Variants in ANKRD11 observed in about 807,000 individuals in gnomAD.
ANKRD11 encodes ankyrin repeat domain 11, also known as ankyrin repeat domain-containing protein 11.
A neutral mutation model predicts 195.7 loss-of-function variants in ANKRD11; 17 were observed. That is an observed-to-expected ratio of 0.09 (90% CI 0.06 to 0.13). ANKRD11 has a LOEUF of 0.13. ANKRD11 is among the 10% of genes least tolerant of loss of function. The pLI is 1.00. For synonymous variants in ANKRD11, 1,953 were observed against 1,528.1 expected (o/e 1.28, Z -6.49); for missense variants, 3,735 against 3,566.1 (o/e 1.05, Z -1.21).
intron 2 of ANKRD11, chr16:89,361,643 A>G (rs1468686498): frequency 1.3e-5 from 2 of 152,236 alleles, no homozygotes; most frequent in Non-Finnish European, 2.9e-5. Flanking sequence ...TGGGACTGCC[A>G]GCAAAGGACA....
At chr16:89,343,647 G>C (rs1453546483) in intron 2 of ANKRD11, 1 of 152,244 alleles carries the variant, frequency 6.6e-6, no homozygotes. Flanking sequence ...CAACTGGCCG[G>C]AACTTGGTCA....
intron 3 of ANKRD11, among the ~76,000 whole-genome samples, chr16:89,312,808 G>T (rs1434930873): frequency 6.6e-6 from 1 of 152,220 alleles, no homozygotes; most frequent in Non-Finnish European, 1.5e-5. Flanking sequence ...GCCTGAGGTG[G>T]GACACGCCGA....
intron 1 of ANKRD11, among the ~76,000 whole-genome samples, chr16:89,470,144 G>C (rs1217264281): frequency 6.6e-6 from 1 of 151,880 alleles, no homozygotes; most frequent in South Asian, 2.1e-4. Context: ...CTGAACTTGT[G>C]ATCTGCCTGC....
At chr16:89,451,346 G>C (rs568294630) in intron 1 of ANKRD11, among the ~76,000 whole-genome samples, 158 of 152,180 alleles carry the variant, frequency 1.0e-3, no homozygotes, top group African/African-American at 3.7e-3. Flanking sequence ...GAATTGACAG[G>C]AGGGATCTTA....
chr16:89,414,955 C>A (rs1384824032), intron 2 of ANKRD11, among the ~76,000 whole-genome samples: 1 of 152,164 alleles, frequency 6.6e-6, no homozygotes, highest in African/African-American at 2.4e-5. Context: ...TCTTATTCTT[C>A]TTTATTTGGG....
chr16:89,306,730 CACCTCCCACTCCGCAGACACGCGCCACTT>C (rs1567617327), intron 3 of ANKRD11, among the ~76,000 whole-genome samples: 5 of 7,516 alleles, frequency 6.7e-4, no homozygotes, highest in African/African-American at 1.0e-3. Context: ...ACGCGCCACC[CACCTCCCACTCCGCAGACACGCGCCACTT>C]ACCTCCCACT....
chr16:89,380,470 G>T (rs1169937672), intron 2 of ANKRD11, among the ~76,000 whole-genome samples: 1 of 152,156 alleles, frequency 6.6e-6, no homozygotes, highest in African/African-American at 2.4e-5. Flanking sequence ...TGAGCCTTCA[G>T]ATAGCTTCCT....
At chr16:89,401,500 T>G (rs2041685570) in intron 2 of ANKRD11, among the ~76,000 whole-genome samples, 1 of 152,252 alleles carries the variant, frequency 6.6e-6, no homozygotes, top group Non-Finnish European at 1.5e-5. Context: ...TTGTAAAAAG[T>G]ACATGATATA....
chr16:89,462,270 T>C (rs1433642373), intron 1 of ANKRD11, among the ~76,000 whole-genome samples: 1 of 152,180 alleles, frequency 6.6e-6, no homozygotes, highest in Non-Finnish European at 1.5e-5. Context: ...GGGGTTTCGC[T>C]GTGTTGGCCA....
At chr16:89,278,531 G>A (rs1470436354) in intron 9 of ANKRD11, 2 of 456,590 alleles carry the variant, frequency 4.4e-6, no homozygotes, top group Non-Finnish European at 8.8e-6. Flanking sequence ...GGCTGACAGG[G>A]TCAGGTGGAA....
chr16:89,289,948 T>A (rs960270852), intron 6 of ANKRD11, among the ~76,000 whole-genome samples: 1 of 152,218 alleles, frequency 6.6e-6, no homozygotes, highest in African/African-American at 2.4e-5. Flanking sequence ...GAACATCGCT[T>A]GAGCCCAGGA....
chr16:89,455,290 C>T (rs1310431167), intron 1 of ANKRD11, among the ~76,000 whole-genome samples: 1 of 150,848 alleles, frequency 6.6e-6, no homozygotes, highest in East Asian at 2.0e-4. Flanking sequence ...TCTAGCGTTC[C>T]TCAAGCTGCT....
At chr16:89,358,750 TA>T (rs2039599658) in intron 2 of ANKRD11, among the ~76,000 whole-genome samples, 1 of 152,162 alleles carries the variant, frequency 6.6e-6, no homozygotes. Flanking sequence ...CAGCCCTAGA[TA>T]ACCCCACGTG....
intron 2 of ANKRD11, 69 bp downstream of exon 2, chr16:89,418,215 A>T: frequency 2.2e-6 from 1 of 448,054 alleles, no homozygotes; most frequent in South Asian, 1.6e-5. Context: ...CTCACGCATT[A>T]TTTTGATACT....
chr16:89,423,780 A>G (rs1239632814), intron 1 of ANKRD11, among the ~76,000 whole-genome samples: 1 of 152,254 alleles, frequency 6.6e-6, no homozygotes, highest in Admixed American at 6.5e-5. Flanking sequence ...TCCGTTTTCC[A>G]GGCATGATAA....
intron 3 of ANKRD11, among the ~76,000 whole-genome samples, chr16:89,314,781 G>A (rs1364114478): frequency 1.3e-5 from 2 of 152,154 alleles, no homozygotes; most frequent in African/African-American, 4.8e-5. Context: ...CCAGGGCCAG[G>A]ATCTCCTTTC....
At chr16:89,330,260 T>C (rs1196539374) in intron 2 of ANKRD11, among the ~76,000 whole-genome samples, 1 of 152,084 alleles carries the variant, frequency 6.6e-6, no homozygotes, top group African/African-American at 2.4e-5. Context: ...ACAATGACCA[T>C]GCAGCCACCA....
At chr16:89,372,735 G>A (rs976977357) in intron 2 of ANKRD11, 1 of 152,186 alleles carries the variant, frequency 6.6e-6, no homozygotes. Context: ...GGGGACCCAG[G>A]ACACTGTTCT....
chr16:89,469,451 A>G (rs1038112499), intron 1 of ANKRD11, among the ~76,000 whole-genome samples: 3 of 151,888 alleles, frequency 2.0e-5, no homozygotes, highest in Admixed American at 1.3e-4. Flanking sequence ...TCAAACTCCT[A>G]ACCTCAGGTG....
Sources: allele counts gnomAD v4.1 joint callset (sites outside exome capture counted in the v4.1 genomes callset), GRCh38; gene constraint gnomAD v4.1.1; transcripts MANE v1.5; gene names NCBI Gene and HGNC (gene_info 2026-07-23, HGNC 2026-07-21).